MACROH2A2: variants seen among roughly 807,000 people sequenced by gnomAD.
The protein encoded by MACROH2A2 is core histone macro-H2A.2.
Under a neutral mutation model 37.6 loss-of-function variants are expected in MACROH2A2, and 6 were observed. That is an observed-to-expected ratio of 0.16 (90% CI 0.09 to 0.32). MACROH2A2 has a LOEUF of 0.32. Among genes scored for constraint, MACROH2A2 ranks in the 10% least tolerant of loss-of-function variants. MACROH2A2 has a pLI of 1.00. For synonymous variants in MACROH2A2, 192 were observed against 202.7 expected, an observed-to-expected ratio of 0.95 and a Z score of 0.45; for missense variants, 290 against 485.9, an observed-to-expected ratio of 0.60 and a Z score of 3.79.
chr10:70,060,632 C>T (rs144613370), intron 1 of MACROH2A2, among the ~76,000 whole-genome samples: 4 of 152,274 alleles, frequency 2.6e-5, no homozygotes, highest in South Asian at 2.1e-4. Context: ...CCTAACGGTG[C>T]GCCTGCACAC....
At position 70,103,991 on chromosome 10, in the gene MACROH2A2, G is replaced by A. The variant is rs368087617; in HGVS notation, c.778+3694G>A. On this transcript the variant is annotated intron_variant, in intron 7 of 8. Coordinates refer to ENST00000373255, the MANE Select transcript of MACROH2A2 (RefSeq NM_018649.3). ...TACAAAAGTCTGCACCAAGGAAATA[G>A]ACATGAACCTGGAAGGAAGGAGAGG... Among the ~76,000 whole-genome samples the A allele has an allele frequency of 1.4e-4, 21 of 152,328 alleles. No individual in the cohort carries two copies. In the East Asian group the frequency reaches 2.1e-3, roughly 15 times the overall value.
intron 1 of MACROH2A2, among the ~76,000 whole-genome samples, chr10:70,068,064 G>A (rs2072089050): frequency 1.3e-5 from 2 of 152,062 alleles, no homozygotes; most frequent in East Asian, 1.9e-4. Context: ...CAATGAGTGA[G>A]AAACTGTTGC....
intron 7 of MACROH2A2, among the ~76,000 whole-genome samples, chr10:70,103,167 G>A (rs1052127542): frequency 8.6e-5 from 13 of 151,874 alleles, no homozygotes; most frequent in Non-Finnish European, 1.8e-4. Context: ...CCAAGCCCAG[G>A]GCCACATTGC....
intron 3 of MACROH2A2, 50 bp from the exon 4 acceptor site, chr10:70,091,707 G>T: frequency 1.7e-6 from 2 of 1,163,758 alleles, no homozygotes; most frequent in Non-Finnish European, 2.6e-6. Flanking sequence ...GTATGAAATT[G>T]GGAACTAGCA....
chr10:70,056,248 G>GTTTGT (rs145502561), intron 1 of MACROH2A2, among the ~76,000 whole-genome samples: 8 of 151,922 alleles, frequency 5.3e-5, no homozygotes, highest in East Asian at 1.9e-4. Flanking sequence ...TGTTTTTTTT[G>GTTTGT]TTTGTTTTGT....
intron 1 of MACROH2A2, among the ~76,000 whole-genome samples, chr10:70,062,144 T>G (rs975672624): frequency 6.6e-6 from 1 of 152,180 alleles, no homozygotes; most frequent in African/African-American, 2.4e-5. Context: ...AAGCTAAGAT[T>G]TTTTTCATAC....
intron 3 of MACROH2A2, among the ~76,000 whole-genome samples, chr10:70,090,460 C>T (rs904008098): frequency 1.3e-5 from 2 of 152,188 alleles, no homozygotes; most frequent in Non-Finnish European, 2.9e-5. Context: ...TTATTCTCTT[C>T]ACTTTCTTCA....
intron 1 of MACROH2A2, among the ~76,000 whole-genome samples, chr10:70,057,147 A>C (rs919866835): frequency 2.0e-5 from 3 of 152,200 alleles, no homozygotes; most frequent in African/African-American, 7.2e-5. Flanking sequence ...AGTTGAAGGA[A>C]TATTTATTGA....
intron 7 of MACROH2A2, among the ~76,000 whole-genome samples, chr10:70,101,328 G>T (rs1184276377): frequency 2.0e-5 from 3 of 152,202 alleles, no homozygotes; most frequent in Non-Finnish European, 4.4e-5. Flanking sequence ...TGGAGAGCAG[G>T]TTCTTTTAAC....
intron 7 of MACROH2A2, among the ~76,000 whole-genome samples, chr10:70,106,782 AAC>A (rs2072340247): frequency 6.7e-6 from 1 of 150,088 alleles, no homozygotes; most frequent in South Asian, 2.1e-4. Context: ...CAGCCTGGGC[AAC>A]AGAGGGGCAT....
chr10:70,097,077 G>T (rs1425680116), intron 6 of MACROH2A2, among the ~76,000 whole-genome samples: 1 of 152,138 alleles, frequency 6.6e-6, no homozygotes, highest in Non-Finnish European at 1.5e-5. Flanking sequence ...CATGGTGGCA[G>T]AGTAGAAAGA....
chr10:70,090,271 T>C, intron 3 of MACROH2A2, 105 bp downstream of exon 3: 1 of 726,116 alleles, frequency 1.4e-6, no homozygotes, highest in Non-Finnish European at 2.4e-6. Flanking sequence ...CCCAATTACA[T>C]TTATACAAAA....
intron 7 of MACROH2A2, among the ~76,000 whole-genome samples, chr10:70,108,463 T>C (rs189969841): frequency 3.3e-5 from 5 of 152,176 alleles, no homozygotes; most frequent in African/African-American, 1.2e-4. Context: ...ATTCCTTGGC[T>C]CCTGGCTGCA....
At chr10:70,060,976 T>TAA (rs531093214) in intron 1 of MACROH2A2, among the ~76,000 whole-genome samples, 2 of 129,102 alleles carry the variant, frequency 1.5e-5, no homozygotes, top group African/African-American at 2.9e-5. Context: ...AGACTCTGTC[T>TAA]AAAAAAAAAA....
intron 1 of MACROH2A2, among the ~76,000 whole-genome samples, chr10:70,054,995 T>C (rs2072005578): frequency 6.6e-6 from 1 of 152,198 alleles, no homozygotes; most frequent in African/African-American, 2.4e-5. Context: ...AGAATTTACC[T>C]CCTTGAATCC....
intron 1 of MACROH2A2, among the ~76,000 whole-genome samples, chr10:70,069,486 C>T (rs2072096913): frequency 6.6e-6 from 1 of 152,118 alleles, no homozygotes; most frequent in Non-Finnish European, 1.5e-5. Context: ...TGTCTGGTTT[C>T]CTCTATAGCC....
intron 1 of MACROH2A2, among the ~76,000 whole-genome samples, chr10:70,057,380 T>C (rs2072024544): frequency 2.6e-5 from 4 of 152,110 alleles, no homozygotes; most frequent in Admixed American, 2.6e-4. Context: ...GAATGCTAAA[T>C]GATTGATCAC....
chr10:70,085,573 G>GTTGGT (rs2072206033), intron 2 of MACROH2A2, among the ~76,000 whole-genome samples: 1 of 152,220 alleles, frequency 6.6e-6, no homozygotes. Context: ...AATATCCACT[G>GTTGGT]TTGGTTTAAA....
At chr10:70,103,108 T>C (rs1346770122) in intron 7 of MACROH2A2, among the ~76,000 whole-genome samples, 2 of 152,144 alleles carry the variant, frequency 1.3e-5, no homozygotes, top group African/African-American at 4.8e-5. Context: ...ACAACTTCTA[T>C]AAAAATCTGT....
Sources: gnomAD v4.1 joint callset for allele counts (sites outside exome capture counted in the v4.1 genomes callset) on GRCh38, gnomAD v4.1.1 for gene constraint, MANE v1.5 for transcripts, NCBI Gene and HGNC (gene_info 2026-07-23, HGNC 2026-07-21) for gene names.